The following HAVCR1 variants were observed in gnomAD, a reference collection of about 807,000 sequenced individuals.
The protein encoded by HAVCR1 is T cell immunoglobin domain and mucin domain protein 1.
HAVCR1 carries 34 observed loss-of-function variants against 32.0 expected under a neutral mutation model. The observed-to-expected ratio is 1.06, with a 90% CI of 0.81 to 1.42. HAVCR1 has a LOEUF of 1.42. Ranked by LOEUF, HAVCR1 falls within the 40% of genes most tolerant of loss-of-function variation. The pLI is 0.00. For synonymous variants in HAVCR1, 178 were observed against 170.3 expected (o/e 1.05, Z -0.35); for missense variants, 420 against 442.3 (o/e 0.95, Z 0.45).
chr5:157,046,913 C>A (rs1581706875), intron 5 of HAVCR1, among the ~76,000 whole-genome samples: 1 of 152,164 alleles, frequency 6.6e-6, no homozygotes, highest in African/African-American at 2.4e-5. Context: ...GCTCTTAATA[C>A]TTGCATTGGG....
chr5:157,061,654 C>T (rs557112532), upstream of HAVCR1, among the ~76,000 whole-genome samples: 7 of 151,112 alleles, frequency 4.6e-5, no homozygotes, highest in African/African-American at 1.7e-4. Flanking sequence ...TTACCCTGAG[C>T]GGAGATCATG....
the HAVCR1 span, among the ~76,000 whole-genome samples, chr5:157,069,385 C>G: frequency 6.6e-6 from 1 of 152,180 alleles, no homozygotes; most frequent in Non-Finnish European, 1.5e-5. Context: ...GGTTTTCCAG[C>G]TTCTCCTCCC....
intron 7 of HAVCR1, among the ~76,000 whole-genome samples, chr5:157,033,148 A>G (rs1445774107): frequency 7.3e-6 from 1 of 136,096 alleles, no homozygotes; most frequent in Admixed American, 7.0e-5. Flanking sequence ...TTCTTAAATT[A>G]TCTTTCATTT....
intron 7 of HAVCR1, among the ~76,000 whole-genome samples, chr5:157,036,364 A>T (rs1754532935): frequency 6.6e-6 from 1 of 152,176 alleles, no homozygotes; most frequent in Non-Finnish European, 1.5e-5. Context: ...CTGTAGTCCC[A>T]GCTACTCAGG....
the HAVCR1 span, among the ~76,000 whole-genome samples, chr5:157,066,943 G>A: frequency 3.9e-5 from 6 of 152,108 alleles, no homozygotes; most frequent in East Asian, 3.9e-4. Context: ...AAAATTAGCC[G>A]GGCGTGGTGG....
At chr5:157,064,500 G>C in the HAVCR1 span, among the ~76,000 whole-genome samples, 1 of 152,170 alleles carries the variant, frequency 6.6e-6, no homozygotes, top group South Asian at 2.1e-4. Flanking sequence ...TGAGGAGAAA[G>C]GGCCTAAGAT....
chr5:157,055,452 G>T lies in HAVCR1; in HGVS notation c.128C>A (p.Thr43Lys). ...TGAGCCTCTATTCCAGCACATGGAT[G>T]TGACAGCTCCACTGTAGTGGCAGGG... ...TLPCHYSGAV[T>K]SMCWNRGSCS... Residue 43 changes from threonine to lysine, a missense_variant, in exon 3 of 9, where the codon ACA (threonine) becomes AAA (lysine). By Grantham distance (78) the Thr-to-Lys change is moderately conservative. Transcript: ENST00000523175. The T allele has an allele frequency of 6.2e-7, 1 of 1,610,978 alleles. No individual in the cohort carries two copies. The highest frequency in any genetic ancestry group is 8.5e-7 in the Non-Finnish European group (1 of 1,177,178).
At chr5:157,037,815 A>G (rs111228693) in intron 6 of HAVCR1, among the ~76,000 whole-genome samples, 3,140 of 152,236 alleles carry the variant, frequency 0.021, 88 homozygotes, top group African/African-American at 0.071. Flanking sequence ...GGTGTTCGAG[A>G]CCAGCCTGGG....
In HAVCR1 at chr5:157,029,417, CT is replaced by C; in HGVS notation, c.*315del. ...TTGCTATGTTTCCAGGGACTATTCT[CT>C]TTGATGTATACAGGATTTATGGGGT... On this transcript the variant is annotated 3_prime_UTR_variant, in exon 9 of 9. Transcript: ENST00000523175. The C allele has an allele frequency of 1.7e-6, 1 of 594,388 alleles. No homozygotes were observed. The highest frequency in any genetic ancestry group is 3.0e-5 in the Admixed American group (1 of 33,824). 36.8% of individuals were successfully genotyped at this position (594,388 alleles called of 1,614,324 possible). A position where few individuals can be genotyped will look rare whatever the true frequency, so the allele number is the denominator to read the frequency against.
intron 8 of HAVCR1, among the ~76,000 whole-genome samples, chr5:157,032,246 C>T (rs769797776): frequency 1.3e-5 from 2 of 152,074 alleles, no homozygotes; most frequent in African/African-American, 2.4e-5. Context: ...TGGCCGGGCG[C>T]GGTGGCTCAT....
upstream of HAVCR1, among the ~76,000 whole-genome samples, chr5:157,059,283 T>C (rs949507450): frequency 2.0e-5 from 3 of 152,186 alleles, no homozygotes; most frequent in African/African-American, 7.2e-5. Flanking sequence ...ATTCAGTAAC[T>C]TCCAAGGAGG....
intron 7 of HAVCR1, among the ~76,000 whole-genome samples, chr5:157,033,798 C>T (rs973660367): frequency 1.3e-5 from 2 of 152,236 alleles, no homozygotes; most frequent in Admixed American, 1.3e-4. Context: ...TGCAGTGGCT[C>T]ATGCCTGCAA....
upstream of HAVCR1, among the ~76,000 whole-genome samples, chr5:157,062,381 G>C (rs1043044640): frequency 6.6e-6 from 1 of 152,124 alleles, no homozygotes; most frequent in Non-Finnish European, 1.5e-5. Flanking sequence ...TCAAAAAAAA[G>C]AAAGAATTCA....
chr5:157,031,521 G>A (rs1329729124), intron 8 of HAVCR1, among the ~76,000 whole-genome samples: 1 of 152,092 alleles, frequency 6.6e-6, no homozygotes, highest in Non-Finnish European at 1.5e-5. Flanking sequence ...ATGCAGTAAA[G>A]GGGATTTAAA....
upstream of HAVCR1, among the ~76,000 whole-genome samples, chr5:157,063,941 G>A (rs556202453): frequency 1.8e-4 from 27 of 152,330 alleles, no homozygotes; most frequent in Admixed American, 1.7e-3. Context: ...GGCAAGAGAG[G>A]CCAGCGTGAC....
chr5:157,056,819 C>T lies in HAVCR1; in HGVS notation c.46+1079G>A, dbSNP rs181907222. Among the ~76,000 whole-genome samples, 260 of 152,240 alleles carry T rather than the reference C, an allele frequency of 1.7e-3. 1 individual carries two copies. The highest frequency in any genetic ancestry group is 6.8e-3 in the Middle Eastern group (2 of 294). ...CCCCCATAATCCCAAAGGCATATAT[C>T]ACTCCAGAAATTTGTGTTTAAAAAT... On this transcript the variant is annotated intron_variant, in intron 2 of 8. Transcript: ENST00000523175.
chr5:157,057,395 G>GAAAGAAAGAAAGAAAT (rs1756240678), intron 2 of HAVCR1, among the ~76,000 whole-genome samples: 2 of 11,616 alleles, frequency 1.7e-4, no homozygotes, highest in African/African-American at 3.7e-4. Context: ...AGGAAAGAAA[G>GAAAGAAAGAAAGAAAT]AAAGAAAGAA....
At position 157,044,651 on chromosome 5, in the gene HAVCR1, AAG is replaced by A. The variant is rs1481068420; in HGVS notation, c.782-1971_782-1970del. On this transcript the variant is annotated intron_variant, in intron 5 of 8. Coordinates refer to ENST00000523175, the MANE Select transcript of HAVCR1 (RefSeq NM_001173393.3). ...AAAGAAAGAAAGAAAGAAAGAAAGA[AAG>A]AAAGAAAGAAAGAAAGAAAGAAAGG... is the stretch of plus-strand genomic sequence containing the variant. 2.7e-3 allele frequency among the ~76,000 whole-genome samples: 370 copies of A among 134,952 alleles called. 11 individuals carry two copies. Among genetic ancestry groups the A allele is most frequent in the African/African-American group, 1.0e-2 (349 of 34,910 alleles). The allele number at this position is 134,952 out of a possible 152,430, so 88.5% of individuals were successfully genotyped here.
At chr5:157,061,203 A>C (rs1384727028), upstream of HAVCR1, among the ~76,000 whole-genome samples, 17 of 152,164 alleles carry the variant, frequency 1.1e-4, no homozygotes, top group Admixed American at 1.1e-3. Context: ...TGGCCTAAAA[A>C]TTTTTATTTA....
Sources: allele counts gnomAD v4.1 joint callset (sites outside exome capture counted in the v4.1 genomes callset), GRCh38; gene constraint gnomAD v4.1.1; transcripts MANE v1.5; gene names NCBI Gene and HGNC (gene_info 2026-07-23, HGNC 2026-07-21).